ASIC2: variants seen among roughly 807,000 people sequenced by gnomAD.
The protein encoded by ASIC2 is acid-sensing ion channel 2.
A neutral mutation model predicts 57.3 loss-of-function variants in ASIC2; 25 were observed. The ratio of observed to expected loss-of-function variants is 0.44; its 90% CI spans 0.32 to 0.61. The LOEUF (loss-of-function observed/expected upper bound fraction) is 0.61, where lower values mean the gene tolerates loss of function less well. Among genes scored for constraint, ASIC2 ranks in the 20% least tolerant of loss-of-function variants. The pLI, the probability that ASIC2 is intolerant of heterozygous loss-of-function variation, is 0.06. For synonymous variants in ASIC2, 319 were observed against 307.5 expected, an observed-to-expected ratio of 1.04 and a Z score of -0.39; for missense variants, 641 against 738.1, an observed-to-expected ratio of 0.87 and a Z score of 1.52.
intron 1 of ASIC2, among the ~76,000 whole-genome samples, chr17:33,165,659 A>G (rs1361995822): frequency 6.6e-6 from 1 of 152,152 alleles, no homozygotes; most frequent in Non-Finnish European, 1.5e-5. Context: ...CACTCTGACC[A>G]AGCACTTTCT....
At chr17:33,154,779 T>C (rs1230931569) in intron 1 of ASIC2, among the ~76,000 whole-genome samples, 6 of 152,236 alleles carry the variant, frequency 3.9e-5, no homozygotes, top group African/African-American at 1.4e-4. Context: ...TTTTATTCAA[T>C]GCCTACCTTC....
chr17:33,225,312 A>G (rs1907836679), intron 1 of ASIC2, among the ~76,000 whole-genome samples: 1 of 152,184 alleles, frequency 6.6e-6, no homozygotes, highest in Non-Finnish European at 1.5e-5. Context: ...CATCTCTGCC[A>G]TTTACTGTCT....
intron 1 of ASIC2, among the ~76,000 whole-genome samples, chr17:33,508,658 A>G (rs1297867309): frequency 6.6e-6 from 1 of 152,234 alleles, no homozygotes; most frequent in African/African-American, 2.4e-5. Flanking sequence ...AGCACACCTA[A>G]AAGTGGAATG....
At chr17:34,036,107 G>A (rs12600637) in intron 1 of ASIC2, among the ~76,000 whole-genome samples, 20,970 of 151,802 alleles carry the variant, frequency 0.14, 1,585 homozygotes, top group East Asian at 0.29. Context: ...CAATAGCAAA[G>A]ACTTGGAACC....
At chr17:33,505,342 C>G (rs913106953) in intron 1 of ASIC2, among the ~76,000 whole-genome samples, 53 of 152,012 alleles carry the variant, frequency 3.5e-4, no homozygotes, top group African/African-American at 1.3e-3. Flanking sequence ...ACCCCTTTCT[C>G]TCCTTCACCT....
chr17:33,348,553 G>A (rs931247532), intron 1 of ASIC2, among the ~76,000 whole-genome samples: 1 of 152,144 alleles, frequency 6.6e-6, no homozygotes, highest in Non-Finnish European at 1.5e-5. Flanking sequence ...TTTGCTGCCC[G>A]CAGATCATGA....
chr17:34,142,044 G>T (rs1448818299), intron 1 of ASIC2, among the ~76,000 whole-genome samples: 2 of 152,140 alleles, frequency 1.3e-5, no homozygotes, highest in African/African-American at 4.8e-5. Flanking sequence ...TAGCTAACAG[G>T]CCCGGGGGAA....
At chr17:34,069,452 G>A (rs1031980508) in intron 1 of ASIC2, 6 of 146,850 alleles carry the variant, frequency 4.1e-5, no homozygotes. Flanking sequence ...TTCTTTCAGA[G>A]AGAGAGAAAT....
intron 1 of ASIC2, among the ~76,000 whole-genome samples, chr17:33,249,931 A>T (rs1461330213): frequency 6.6e-6 from 1 of 152,134 alleles, no homozygotes; most frequent in African/African-American, 2.4e-5. Context: ...GTGGTCCCTG[A>T]AAAGTGAGTG....
At chr17:33,360,242 A>C (rs150790845) in intron 1 of ASIC2, among the ~76,000 whole-genome samples, 101 of 152,360 alleles carry the variant, frequency 6.6e-4, no homozygotes, top group African/African-American at 2.4e-3. Context: ...AGTCAATTTA[A>C]AATAAATGGT....
intron 1 of ASIC2, among the ~76,000 whole-genome samples, chr17:33,539,257 A>G (rs1410391779): frequency 2.0e-5 from 3 of 152,240 alleles, no homozygotes. Flanking sequence ...TTGCTTGCAA[A>G]GAGGTCAAGT....
At chr17:33,265,374 G>A (rs1909422683) in intron 1 of ASIC2, among the ~76,000 whole-genome samples, 1 of 152,154 alleles carries the variant, frequency 6.6e-6, no homozygotes, top group African/African-American at 2.4e-5. Context: ...GGATGGAGCT[G>A]GAAGCCATAA....
At chr17:33,928,763 T>C (rs1597934264) in intron 1 of ASIC2, among the ~76,000 whole-genome samples, 2 of 151,786 alleles carry the variant, frequency 1.3e-5, no homozygotes, top group African/African-American at 2.4e-5. Flanking sequence ...AGCAGGAAAA[T>C]GGAGCAGATC....
chr17:33,953,989 A>T (rs1322755885), intron 1 of ASIC2, among the ~76,000 whole-genome samples: 1 of 152,236 alleles, frequency 6.6e-6, no homozygotes, highest in Non-Finnish European at 1.5e-5. Flanking sequence ...GTTTTGGAGC[A>T]CATTGCTTTG....
Position 33,089,006 on chromosome 17 carries a change from T to C in ASIC2, c.860-16A>G. 3.1e-6 allele frequency: 5 copies of C among 1,613,660 alleles called. No homozygotes were observed. The highest frequency in any genetic ancestry group is 2.2e-5 in the East Asian group (1 of 44,884). On this transcript the variant is annotated splice_polypyrimidine_tract_variant and intron_variant, in intron 2 of 9. Transcript: ENST00000225823. ...GTCGTTTCCTCTGAAAGAACAAAGA[T>C]GGACAGAGCCACGGGTCAGTAACAA... is the stretch of plus-strand genomic sequence containing the variant.
Position 34,039,529 on chromosome 17 carries a change from G to A in ASIC2, c.555+116449C>T, listed in dbSNP as rs554365281. On this transcript the variant is annotated intron_variant, in intron 1 of 9. Transcript: ENST00000359872. ...TCGTCGCGGTAAGGGATTGGATAAGGAATGTTGCAGTGAGGATCGTGCAAC... is the reference window on the plus strand; with the variant it reads ...TCGTCGCGGTAAGGGATTGGATAAGAAATGTTGCAGTGAGGATCGTGCAAC... 22 of 1,613,910 alleles carry A rather than the reference G, an allele frequency of 1.4e-5. No homozygotes were observed. The South Asian group carries it at 2.4e-4, about 18-fold the overall frequency.
chr17:33,758,060 T>C (rs1421265517), intron 1 of ASIC2, among the ~76,000 whole-genome samples: 2 of 152,236 alleles, frequency 1.3e-5, no homozygotes, highest in East Asian at 3.8e-4. Flanking sequence ...TTGCAATGTG[T>C]GGTTCTGATG....
chr17:33,613,959 A>G (rs1161554903), intron 1 of ASIC2, among the ~76,000 whole-genome samples: 2 of 152,134 alleles, frequency 1.3e-5, no homozygotes, highest in African/African-American at 4.8e-5. Flanking sequence ...TCCTGTACCT[A>G]TATTTACAGA....
chr17:34,129,655 A>G (rs185505884), intron 1 of ASIC2, among the ~76,000 whole-genome samples: 1 of 152,342 alleles, frequency 6.6e-6, no homozygotes, highest in Non-Finnish European at 1.5e-5. Context: ...AAGGTGATGG[A>G]TGAGAAGTCC....
Sources: gnomAD v4.1 joint callset for allele counts (sites outside exome capture counted in the v4.1 genomes callset) on GRCh38, gnomAD v4.1.1 for gene constraint, MANE v1.5 for transcripts, NCBI Gene and HGNC (gene_info 2026-07-23, HGNC 2026-07-21) for gene names.